The following LDB2 variants were observed in gnomAD, a reference collection of about 807,000 sequenced individuals.
The protein encoded by LDB2 is LIM domain binding 2, also known as LIM domain-binding protein 2.
LDB2 carries 12 observed loss-of-function variants against 44.3 expected under a neutral mutation model. The ratio of observed to expected loss-of-function variants is 0.27; its 90% CI spans 0.17 to 0.44. The LOEUF (loss-of-function observed/expected upper bound fraction) is 0.44, where lower values mean the gene tolerates loss of function less well. Ranked by LOEUF, LDB2 falls within the 20% of genes least tolerant of loss-of-function variation. The pLI is 1.00. For missense variants in LDB2, 344 were observed against 473.5 expected, an observed-to-expected ratio of 0.73 and a Z score of 2.54; for synonymous variants, 164 against 174.8, an observed-to-expected ratio of 0.94 and a Z score of 0.49.
chr4:16,575,631 T>C (rs1243045097), intron 5 of LDB2, among the ~76,000 whole-genome samples: 1 of 152,210 alleles, frequency 6.6e-6, no homozygotes, highest in Non-Finnish European at 1.5e-5. Flanking sequence ...GGAATAAAAC[T>C]GGAAATCAAT....
intron 5 of LDB2, among the ~76,000 whole-genome samples, chr4:16,556,418 C>A (rs528345448): frequency 1.3e-5 from 2 of 152,260 alleles, no homozygotes; most frequent in South Asian, 4.1e-4. Flanking sequence ...CTTTTTAGAA[C>A]CCCCAGGCTT....
At chr4:16,516,591 G>A (rs567579897) in intron 5 of LDB2, among the ~76,000 whole-genome samples, 5 of 152,118 alleles carry the variant, frequency 3.3e-5, no homozygotes, top group African/African-American at 4.8e-5. Context: ...CAAGGTAGAC[G>A]GTGGGGGTGA....
At chr4:16,826,389 G>T (rs1783070938) in intron 1 of LDB2, 1 of 152,164 alleles carries the variant, frequency 6.6e-6, no homozygotes, top group Non-Finnish European at 1.5e-5. Context: ...CAGTTGAAGA[G>T]ATTCTGGCCA....
intron 2 of LDB2, among the ~76,000 whole-genome samples, chr4:16,738,504 A>G (rs1181339452): frequency 6.6e-6 from 1 of 152,350 alleles, no homozygotes; most frequent in East Asian, 1.9e-4. Context: ...ACAGACTAAA[A>G]GCTACCGCTT....
intron 5 of LDB2, among the ~76,000 whole-genome samples, chr4:16,559,083 AC>A (rs1740984278): frequency 6.6e-6 from 1 of 152,246 alleles, no homozygotes; most frequent in Non-Finnish European, 1.5e-5. Context: ...ATGGAAAAGA[AC>A]AACCGGTACC....
At chr4:16,572,660 C>G (rs989084837) in intron 5 of LDB2, among the ~76,000 whole-genome samples, 1 of 152,020 alleles carries the variant, frequency 6.6e-6, no homozygotes, top group Non-Finnish European at 1.5e-5. Context: ...TCACTGATTT[C>G]TAGACACTGA....
intron 1 of LDB2, among the ~76,000 whole-genome samples, chr4:16,846,197 A>C (rs895542514): frequency 6.6e-6 from 1 of 151,940 alleles, no homozygotes; most frequent in Non-Finnish European, 1.5e-5. Flanking sequence ...GACTTTTTCT[A>C]TGCAATGCAC....
At chr4:16,766,105 T>G (rs1376147956) in intron 1 of LDB2, among the ~76,000 whole-genome samples, 2 of 152,184 alleles carry the variant, frequency 1.3e-5, no homozygotes, top group Non-Finnish European at 2.9e-5. Context: ...AGTAATTAAA[T>G]GTTACAAATA....
chr4:16,738,056 C>T (rs1762259827), intron 2 of LDB2, among the ~76,000 whole-genome samples: 1 of 152,110 alleles, frequency 6.6e-6, no homozygotes, highest in East Asian at 1.9e-4. Context: ...TTGCTCTAAT[C>T]CCAAATCACA....
chr4:16,585,975 A>G lies in LDB2; in HGVS notation c.562T>C (p.Ser188Pro). Residue 188 changes from serine to proline, a missense_variant, in exon 5 of 8, where the codon TCC (serine) becomes CCC (proline). By Grantham distance (74) the Ser-to-Pro change is moderately conservative (BLOSUM62 -1). Around this residue, in one of 3 missense-constraint regions of LDB2, gnomAD observed 226 missense variants for 270.1 expected, o/e 0.84. Coordinates refer to ENST00000304523, the MANE Select transcript of LDB2 (RefSeq NM_001290.5). ...AQDPQVLDQL[S>P]KNITRMGLTN... ...AGCCCCATCCTGGTGATGTTTTTGGACAGCTGATCCAGGACCTGAGGATCT... is the reference window on the plus strand; with the variant it reads ...AGCCCCATCCTGGTGATGTTTTTGGGCAGCTGATCCAGGACCTGAGGATCT... 1.2e-6 allele frequency: 2 copies of G among 1,613,892 alleles called. No homozygotes were observed. Among genetic ancestry groups the G allele is most frequent in the Non-Finnish European group, 1.7e-6 (2 of 1,179,854 alleles).
chr4:16,510,279 G>A (rs16893569), intron 6 of LDB2, among the ~76,000 whole-genome samples: 47,765 of 151,834 alleles, frequency 0.31, 7,633 homozygotes, highest in South Asian at 0.44. Flanking sequence ...TTTTTTTATC[G>A]TCCCTAAATA....
chr4:16,572,792 C>T (rs1433236723), intron 5 of LDB2, among the ~76,000 whole-genome samples: 2 of 152,094 alleles, frequency 1.3e-5, no homozygotes. Flanking sequence ...TTCGGGTGTT[C>T]CAAGTTTTAA....
At chr4:16,816,596 A>T (rs765280070) in intron 1 of LDB2, among the ~76,000 whole-genome samples, 1 of 151,828 alleles carries the variant, frequency 6.6e-6, no homozygotes, top group Admixed American at 6.6e-5. Flanking sequence ...TTTTTAGTAG[A>T]GACAGGGTTT....
chr4:16,831,546 T>C lies in LDB2; in HGVS notation c.132+66808A>G, dbSNP rs190622058. ...GCTTTGAAGAAGGCAGTGGTAGTGA[T>C]GGTGCTGATGACAAAAGAAGTCAGA... On this transcript the variant is annotated intron_variant, in intron 1 of 7. Coordinates refer to ENST00000304523, the MANE Select transcript of LDB2 (RefSeq NM_001290.5). Among the ~76,000 whole-genome samples, 55 of 152,266 alleles carry C rather than the reference T, an allele frequency of 3.6e-4. 1 individual carries two copies. Among genetic ancestry groups the C allele is most frequent in the Middle Eastern group, 3.4e-3 (1 of 294 alleles).
chr4:16,810,560 GTAAAAGGTTT>G (rs1321108252), intron 1 of LDB2, among the ~76,000 whole-genome samples: 62 of 150,366 alleles, frequency 4.1e-4, no homozygotes, highest in African/African-American at 1.5e-3. Context: ...TATCAAATCA[GTAAAAGGTTT>G]TCAGAGAGGT....
intron 1 of LDB2, chr4:16,893,058 A>G: frequency 3.1e-6 from 3 of 953,838 alleles, no homozygotes; most frequent in African/African-American, 1.8e-5. Context: ...TAAAATCAGT[A>G]TAAGAGTCTT....
At chr4:16,843,454 A>T (rs1786286963) in intron 1 of LDB2, among the ~76,000 whole-genome samples, 1 of 152,234 alleles carries the variant, frequency 6.6e-6, no homozygotes, top group Non-Finnish European at 1.5e-5. Context: ...AACCACTTCA[A>T]CAGATTCTTA....
rs989969514 is a variant in LDB2, at chr4:16,502,435, C to T, written c.*208G>A. ...GTATCTGTATTACCTGTGAAGGCCT[C>T]CAAGAAAGGGTCATGGAAGCTTACT... On this transcript the variant is annotated 3_prime_UTR_variant, in exon 8 of 8. Transcript: ENST00000304523. 2 of 673,786 alleles carry T rather than the reference C, an allele frequency of 3.0e-6. No homozygotes were observed. Among genetic ancestry groups the T allele is most frequent in the Non-Finnish European group, 4.9e-6 (2 of 409,538 alleles). 41.7% of individuals were successfully genotyped at this position (673,786 alleles called of 1,614,324 possible).
At chr4:16,573,355 C>G (rs1225559938) in intron 5 of LDB2, among the ~76,000 whole-genome samples, 1 of 152,156 alleles carries the variant, frequency 6.6e-6, no homozygotes, top group Non-Finnish European at 1.5e-5. Flanking sequence ...GCTCCTCCAG[C>G]CTTAGACTAG....
Sources: gnomAD v4.1 joint callset for allele counts (sites outside exome capture counted in the v4.1 genomes callset) on GRCh38, gnomAD v4.1.1 for gene constraint, gnomAD v4.1.1 regional missense constraint, MANE v1.5 for transcripts, NCBI Gene and HGNC (gene_info 2026-07-23, HGNC 2026-07-21) for gene names.